The following UBE3C variants were observed in gnomAD, a reference collection of about 807,000 sequenced individuals.
UBE3C encodes the protein ubiquitin protein ligase E3C, also known as ubiquitin-protein ligase E3C.
Under a neutral mutation model 129.4 loss-of-function variants are expected in UBE3C, and 42 were observed. That is an observed-to-expected ratio of 0.32 (90% confidence interval 0.25 to 0.42). The LOEUF is 0.42. UBE3C is among the 10% of genes least tolerant of loss of function. The probability of loss-of-function intolerance (pLI) is 1.00; values close to 1 mark genes in which losing one functional copy is unlikely to be tolerated. For synonymous variants in UBE3C, 510 were observed against 492.4 expected, an observed-to-expected ratio of 1.04 and a Z score of -0.47; for missense variants, 1,049 against 1,319.1, an observed-to-expected ratio of 0.80 and a Z score of 3.17.
At chr7:157,215,031 TGAA>T (rs1325591580) in intron 13 of UBE3C, among the ~76,000 whole-genome samples, 1 of 152,218 alleles carries the variant, frequency 6.6e-6, no homozygotes, top group East Asian at 1.9e-4. Context: ...TTCCACTCGT[TGAA>T]GAAGGACGGT....
chr7:157,157,403 TAATC>T (rs964715003), intron 1 of UBE3C, among the ~76,000 whole-genome samples: 20 of 152,144 alleles, frequency 1.3e-4, no homozygotes, highest in African/African-American at 2.2e-4. Flanking sequence ...GATGAAAAGA[TAATC>T]AAATGAAAAA....
In UBE3C at chr7:157,139,329, G is replaced by C; in HGVS notation, c.57G>C (p.Ala19=). The C allele has an allele frequency of 1.9e-6, 3 of 1,582,154 alleles. No individual in the cohort carries two copies. The highest frequency in any genetic ancestry group is 2.6e-6 in the Non-Finnish European group (3 of 1,172,126). The change falls in exon 1 of 23, where the codon GCG becomes GCC. Residue 19 remains alanine (A), a synonymous_variant. Coordinates refer to ENST00000348165, the MANE Select transcript of UBE3C (RefSeq NM_014671.3). ...GGCCCAAGGTGTCCCTTGGCGGCGC[G>C]AGCAGGAAGGTGAGGGCCGGGCTGG... ...KTRPKVSLGG[A]SRKEEKASLL... is the part of the protein sequence containing the mutation.
At chr7:157,207,985 A>G in intron 13 of UBE3C, 50 bp downstream of exon 13, 2 of 1,288,006 alleles carry the variant, frequency 1.6e-6, no homozygotes, top group South Asian at 4.5e-5. Flanking sequence ...AAATGTACAA[A>G]CTTTTGTCTT....
chr7:157,177,287 C>G (rs1808544071), intron 5 of UBE3C, among the ~76,000 whole-genome samples: 1 of 152,166 alleles, frequency 6.6e-6, no homozygotes, highest in Non-Finnish European at 1.5e-5. Context: ...ACTGGTCACT[C>G]AGATGGCTCT....
chr7:157,177,940 T>TC (rs1460595978), intron 5 of UBE3C, among the ~76,000 whole-genome samples: 2 of 150,920 alleles, frequency 1.3e-5, no homozygotes, highest in Admixed American at 6.6e-5. Flanking sequence ...TTTTTTTTTT[T>TC]TTTTAAGAAA....
Position 157,163,875 on chromosome 7 carries a change from T to C in UBE3C, c.120+12T>C. On this transcript the variant is annotated intron_variant, in intron 2 of 22. Coordinates refer to ENST00000348165, the MANE Select transcript of UBE3C (RefSeq NM_014671.3). ...GAAGAAAGAGAGAGGTAAAAACAGT[T>C]TTGTAATACTCTGTAGATAAGCATT... is the stretch of plus-strand genomic sequence containing the variant. The C allele has an allele frequency of 6.2e-7, 1 of 1,612,738 alleles. No individual in the cohort carries two copies. The highest frequency in any genetic ancestry group is 8.5e-7 in the Non-Finnish European group (1 of 1,179,292).
At chr7:157,261,395 A>G (rs1367502079) in intron 22 of UBE3C, among the ~76,000 whole-genome samples, 1 of 151,384 alleles carries the variant, frequency 6.6e-6, no homozygotes, top group Non-Finnish European at 1.5e-5. Flanking sequence ...GCACAATCAT[A>G]ATTGAGTTAT....
rs138404997 is a variant in UBE3C, at chr7:157,266,820, G to A, written c.3082-765G>A. On this transcript the variant is annotated intron_variant, in intron 22 of 22. Transcript: ENST00000348165. ...GGTGTGATCATACCTCACTAACCTC[G>A]ACCTCCTGGGCTCAAGACATCTTTT... Among the ~76,000 whole-genome samples, 52 of 151,906 alleles carry A rather than the reference G, an allele frequency of 3.4e-4. No homozygotes were observed. In the East Asian group the frequency reaches 9.5e-3, roughly 28 times the overall value.
intron 10 of UBE3C, chr7:157,188,906 G>T (rs1284270834): frequency 4.7e-6 from 3 of 641,776 alleles, no homozygotes; most frequent in African/African-American, 3.5e-5. Context: ...TATTTTCAGA[G>T]TTAGGATTTG....
chr7:157,228,916 A>G (rs1395657636), intron 17 of UBE3C, among the ~76,000 whole-genome samples: 1 of 152,220 alleles, frequency 6.6e-6, no homozygotes, highest in Non-Finnish European at 1.5e-5. Context: ...AGGGATAGAC[A>G]GGGTTTTGAG....
At chr7:157,244,229 G>A (rs532810354) in intron 18 of UBE3C, among the ~76,000 whole-genome samples, 8 of 152,042 alleles carry the variant, frequency 5.3e-5, no homozygotes, top group South Asian at 2.1e-4. Context: ...GTGAAACTCC[G>A]TCTCGAAAAA....
chr7:157,186,469 C>G (rs76382747), intron 9 of UBE3C, among the ~76,000 whole-genome samples: 7 of 151,442 alleles, frequency 4.6e-5, no homozygotes, highest in Admixed American at 6.6e-5. Context: ...AAACTGTGAT[C>G]TCAAATTAAA....
intron 8 of UBE3C, among the ~76,000 whole-genome samples, chr7:157,183,367 G>A (rs1483486017): frequency 6.6e-6 from 1 of 152,158 alleles, no homozygotes; most frequent in Admixed American, 6.5e-5. Context: ...CACAGAACTC[G>A]GGAAGTCGAG....
At chr7:157,255,466 C>T (rs1796728222) in intron 21 of UBE3C, among the ~76,000 whole-genome samples, 2 of 152,188 alleles carry the variant, frequency 1.3e-5, no homozygotes, top group South Asian at 4.1e-4. Flanking sequence ...TGTCCTACAT[C>T]TGAAGTCTAA....
At chr7:157,186,210 G>A (rs1013126774) in intron 9 of UBE3C, among the ~76,000 whole-genome samples, 5 of 152,102 alleles carry the variant, frequency 3.3e-5, no homozygotes, top group African/African-American at 1.2e-4. Context: ...GATCATTTGA[G>A]GTTAGGAGTT....
At chr7:157,186,592 C>G (rs1249686102) in intron 9 of UBE3C, among the ~76,000 whole-genome samples, 3 of 151,738 alleles carry the variant, frequency 2.0e-5, no homozygotes, top group East Asian at 1.9e-4. Context: ...AATACTGAAG[C>G]TACTGTTATA....
chr7:157,244,259 A>G (rs1176098730), intron 18 of UBE3C, among the ~76,000 whole-genome samples: 2 of 152,134 alleles, frequency 1.3e-5, no homozygotes, highest in East Asian at 1.9e-4. Flanking sequence ...AAGATGAGGT[A>G]TATCTCCTGC....
chr7:157,252,153 T>C (rs1161458062), intron 19 of UBE3C, among the ~76,000 whole-genome samples: 2 of 152,052 alleles, frequency 1.3e-5, no homozygotes, highest in South Asian at 2.1e-4. Context: ...AAAAAAGTTA[T>C]AGAAATGTCA....
intron 21 of UBE3C, among the ~76,000 whole-genome samples, chr7:157,255,773 G>A (rs192663091): frequency 5.9e-5 from 9 of 152,114 alleles, no homozygotes; most frequent in African/African-American, 2.2e-4. Context: ...TTTAGGTTTA[G>A]GGAGCACTTT....
Sources: allele counts gnomAD v4.1 joint callset (sites outside exome capture counted in the v4.1 genomes callset), GRCh38; gene constraint gnomAD v4.1.1; transcripts MANE v1.5; gene names NCBI Gene and HGNC (gene_info 2026-07-23, HGNC 2026-07-21).